Variants in PSD4 observed in about 807,000 individuals in gnomAD.
The protein encoded by PSD4 is pleckstrin and Sec7 domain containing 4.
A neutral mutation model predicts 112.5 loss-of-function variants in PSD4; 59 were observed. That is an observed-to-expected ratio of 0.52 (90% CI 0.43 to 0.65). The LOEUF is 0.65. Among genes scored for constraint, PSD4 ranks in the 30% least tolerant of loss-of-function variants. The pLI is 0.00. For missense variants in PSD4, 1,267 were observed against 1,352.6 expected (o/e 0.94, Z 0.99); for synonymous variants, 533 against 540.0 (o/e 0.99, Z 0.18).
chr2:113,199,770 A>T (rs1688722084), intron 16 of PSD4, among the ~76,000 whole-genome samples: 1 of 152,224 alleles, frequency 6.6e-6, no homozygotes. Flanking sequence ...GTAAATTTAC[A>T]TGCTGCTCTA....
chr2:113,189,793 T>C (rs569334283), intron 5 of PSD4, among the ~76,000 whole-genome samples: 17 of 152,364 alleles, frequency 1.1e-4, no homozygotes, highest in African/African-American at 4.1e-4. Flanking sequence ...CATATATTTG[T>C]TGGCCATTTG....
chr2:113,184,796 A>G (rs550003260), intron 2 of PSD4, among the ~76,000 whole-genome samples, 161 bp from the exon 3 acceptor site: 40 of 152,126 alleles, frequency 2.6e-4, no homozygotes, highest in Non-Finnish European at 4.9e-4. Context: ...ACCCTCCCTA[A>G]AACACAGCCC....
At chr2:113,200,900 A>C (rs1196412803) in intron 16 of PSD4, among the ~76,000 whole-genome samples, 1 of 152,192 alleles carries the variant, frequency 6.6e-6, no homozygotes, top group Admixed American at 6.5e-5. Context: ...TAGAGATGTT[A>C]GTTACAGCAC....
intron 5 of PSD4, among the ~76,000 whole-genome samples, chr2:113,188,031 C>A (rs982712758): frequency 4.6e-5 from 7 of 151,988 alleles, no homozygotes; most frequent in African/African-American, 1.7e-4. Context: ...AAGAGATTGT[C>A]CAGTGAACAA....
In PSD4 at chr2:113,199,293, G is replaced by A. The variant is rs933406962; in HGVS notation, c.2913+67G>A. ...TCTCCGCCCTCTCGTGGCCGCCTCG[G>A]TCCCTGCAGCCGTCACTGCCCTGAC... On this transcript the variant is annotated intron_variant, in intron 16 of 16. Coordinates refer to ENST00000245796, the MANE Select transcript of PSD4 (RefSeq NM_012455.3). 9 of 1,369,772 alleles carry A rather than the reference G, an allele frequency of 6.6e-6. 1 individual carries two copies. In the Admixed American group the frequency reaches 3.4e-4, roughly 51 times the overall value. The allele number at this position is 1,369,772 out of a possible 1,614,324, so 84.9% of individuals were successfully genotyped here. A position where few individuals can be genotyped will look rare whatever the true frequency, so the allele number is the denominator to read the frequency against.
At chr2:113,178,323 C>G (rs1304353581) in intron 1 of PSD4, among the ~76,000 whole-genome samples, 1 of 152,086 alleles carries the variant, frequency 6.6e-6, no homozygotes, top group African/African-American at 2.4e-5. Context: ...CTCCACTGAC[C>G]AGTTCCTCAC....
At chr2:113,190,059 T>C (rs1225389187) in intron 5 of PSD4, among the ~76,000 whole-genome samples, 1 of 152,260 alleles carries the variant, frequency 6.6e-6, no homozygotes, top group Non-Finnish European at 1.5e-5. Flanking sequence ...TTGCATTTGC[T>C]TTTGGTTCTT....
intron 15 of PSD4, 47 bp from the exon 16 acceptor site, chr2:113,199,036 C>A (rs1455695565): frequency 2.6e-6 from 4 of 1,512,096 alleles, no homozygotes; most frequent in South Asian, 1.2e-5. Flanking sequence ...CGGAAAGCGG[C>A]GGAGGGGACG....
At chr2:113,188,398 C>T (rs563322298) in intron 5 of PSD4, among the ~76,000 whole-genome samples, 1 of 151,268 alleles carries the variant, frequency 6.6e-6, no homozygotes, top group Non-Finnish European at 1.5e-5. Flanking sequence ...CGTGTGCCAC[C>T]ATGCCTGGCT....
intron 1 of PSD4, among the ~76,000 whole-genome samples, chr2:113,181,123 G>T (rs752153688): frequency 2.6e-5 from 4 of 151,858 alleles, no homozygotes; most frequent in Non-Finnish European, 5.9e-5. Context: ...AGCTACTCGG[G>T]AGGCTGAGGC....
chr2:113,184,829 AG>A, intron 2 of PSD4, 127 bp from the exon 3 acceptor site: 1 of 1,364,300 alleles, frequency 7.3e-7, no homozygotes, highest in Non-Finnish European at 1.0e-6. Context: ...GCACCACCTG[AG>A]GCAGGGCCAT....
rs756864146 is a variant in PSD4 at position 113,197,899 on chromosome 2, C to T, written c.2610C>T (p.Tyr870=). 1 of 1,588,210 alleles carries T rather than the reference C, an allele frequency of 6.3e-7. No homozygotes were observed. Among genetic ancestry groups the T allele is most frequent in the South Asian group, 1.1e-5 (1 of 88,758 alleles). The change falls in exon 14 of 17, where the codon TAC becomes TAT. Residue 870 remains tyrosine (Y), a synonymous_variant. Transcript: ENST00000245796. ...TGCGCACGGCTGACTGGCGCCTCTACCTCTTCCAGGCACCGTAAGTCCCTG... is the reference window on the plus strand; with the variant it reads ...TGCGCACGGCTGACTGGCGCCTCTATCTCTTCCAGGCACCGTAAGTCCCTG... ...FQLRTADWRL[Y]LFQAPTAKEM...
chr2:113,193,747 C>T (rs1295674067), intron 9 of PSD4, 97 bp downstream of exon 9: 3 of 1,558,372 alleles, frequency 1.9e-6, no homozygotes, highest in African/African-American at 1.4e-5. Context: ...GGGAACACCC[C>T]TGAGGGATGT....
At position 113,207,890 on chromosome 2, in the gene PSD4, A is replaced by G. The variant is rs1688885368; in HGVS notation, c.*6475A>G. On this transcript the variant is annotated 3_prime_UTR_variant, in exon 17 of 17. Transcript: ENST00000245796. ...TCGAAAGAATGCACATCTCAAAACTATGTCCTGGTTCTTTTTCTACTTTCT... is the reference window on the plus strand; with the variant it reads ...TCGAAAGAATGCACATCTCAAAACTGTGTCCTGGTTCTTTTTCTACTTTCT... 6.6e-6 allele frequency: 1 copy of G among 151,818 alleles called. No individual in the cohort carries two copies. Among genetic ancestry groups the G allele is most frequent in the African/African-American group, 2.4e-5 (1 of 41,342 alleles). 9.4% of individuals were successfully genotyped at this position (151,818 alleles called of 1,614,324 possible). A position where few individuals can be genotyped will look rare whatever the true frequency, so the allele number is the denominator to read the frequency against.
rs746820527 is a variant in PSD4 at position 113,186,096 on chromosome 2, C to G, written c.1469C>G (p.Ser490Cys). Reference protein sequence around the residue: ...LPKWTLDASQSSLLETDGEQP... With the variant: ...LPKWTLDASQCSLLETDGEQP... ...AAGTGGACACTAGATGCTTCACAGT[C>G]TTCACTCTTGGAGACGGATGGGGAA... The change falls in exon 5 of 17, where the codon TCT becomes TGT. Residue 490 changes from serine to cysteine, a missense_variant. By Grantham distance (112) the Ser-to-Cys change is moderately radical (BLOSUM62 -1). Around this residue, in one of 2 missense-constraint regions of PSD4, gnomAD observed 723 missense variants for 704.0 expected, o/e 1.03. Coordinates refer to ENST00000245796, the MANE Select transcript of PSD4 (RefSeq NM_012455.3). The G allele has an allele frequency of 6.2e-7, 1 of 1,614,232 alleles. No individual in the cohort carries two copies. Among genetic ancestry groups the G allele is most frequent in the Non-Finnish European group, 8.5e-7 (1 of 1,180,044 alleles).
intron 16 of PSD4, among the ~76,000 whole-genome samples, chr2:113,200,761 C>G (rs1219440140): frequency 6.6e-6 from 1 of 152,182 alleles, no homozygotes; most frequent in Non-Finnish European, 1.5e-5. Flanking sequence ...TCCACAGATG[C>G]CAATTGTTAA....
At chr2:113,188,981 A>G (rs1688379423) in intron 5 of PSD4, among the ~76,000 whole-genome samples, 1 of 152,094 alleles carries the variant, frequency 6.6e-6, no homozygotes, top group Admixed American at 6.5e-5. Context: ...TTGAATGGTG[A>G]TTTGTGAGGT....
chr2:113,174,481 G>A lies in PSD4; in HGVS notation c.-112+427G>A, dbSNP rs371662863. On this transcript the variant is annotated intron_variant, in intron 1 of 16. Coordinates refer to ENST00000245796, the MANE Select transcript of PSD4 (RefSeq NM_012455.3). ...CCAGTGGGGGCTTTTGTGGCCAAAG[G>A]TCCCAAGTGATTCTCGACCCTAGAC... Among the ~76,000 whole-genome samples, 22 of 152,242 alleles carry A rather than the reference G, an allele frequency of 1.4e-4. No homozygotes were observed. The East Asian group carries it at 1.5e-3, about 11-fold the overall frequency.
intron 11 of PSD4, 45 bp from the exon 12 acceptor site, chr2:113,196,100 TTC>T (rs772122385): frequency 8.2e-6 from 13 of 1,583,716 alleles, no homozygotes; most frequent in Non-Finnish European, 1.1e-5. Flanking sequence ...TACCTCCCAG[TTC>T]TCTTTGCATA....
Sources: allele counts gnomAD v4.1 joint callset (sites outside exome capture counted in the v4.1 genomes callset), GRCh38; gene constraint gnomAD v4.1.1; regional missense constraint gnomAD v4.1.1; transcripts MANE v1.5; gene names NCBI Gene and HGNC (gene_info 2026-07-23, HGNC 2026-07-21).